The following HMGN5 variants were observed in gnomAD, a reference collection of about 807,000 sequenced individuals.
HMGN5 encodes the protein high mobility group nucleosome binding domain 5.
In HMGN5, 4 loss-of-function variants were observed where a neutral mutation model predicts 9.5. The observed-to-expected ratio is 0.42, with a 90% CI of 0.21 to 0.96. The LOEUF is 0.96. HMGN5 is among the 40% of genes least tolerant of loss of function. The pLI, the probability that HMGN5 is intolerant of heterozygous loss-of-function variation, is 0.30. For synonymous variants in HMGN5, 55 were observed against 57.1 expected (o/e 0.96, Z 0.16); for missense variants, 192 against 187.5 (o/e 1.02, Z -0.14).
chrX:81,125,848 A>T (rs2075281821), intron 1 of HMGN5, among the ~76,000 whole-genome samples: 1 of 111,551 alleles, frequency 9.0e-6, no homozygotes. Context: ...AAGATCATCT[A>T]TTAAAATTTA....
chrX:81,137,117 C>T (rs1321650998), intron 1 of HMGN5, among the ~76,000 whole-genome samples: 7 of 111,218 alleles, frequency 6.3e-5, no homozygotes, highest in African/African-American at 2.0e-4. Context: ...CCCAGCTATA[C>T]TTGTGGATCT....
intron 1 of HMGN5, among the ~76,000 whole-genome samples, chrX:81,191,848 G>T (rs963068442): frequency 5.4e-5 from 6 of 111,724 alleles, no homozygotes; most frequent in African/African-American, 1.6e-4. Flanking sequence ...GTGTGGGTGT[G>T]GATAAGGGTC....
At chrX:81,200,690 C>A (rs2075523621) in intron 1 of HMGN5, among the ~76,000 whole-genome samples, 1 of 111,254 alleles carries the variant, frequency 9.0e-6, no homozygotes, top group Admixed American at 9.5e-5. Flanking sequence ...GGGAACATCA[C>A]ACCCCGGGGC....
chrX:81,114,859 A>G lies in HMGN5; in HGVS notation c.639T>C (p.Asp213=). The change falls in exon 7 of 7, where the codon GAT becomes GAC. Residue 213 remains aspartate, a synonymous_variant. Coordinates refer to ENST00000358130, the MANE Select transcript of HMGN5 (RefSeq NM_030763.3). ...CTTTTTTATCTCCCTTCTCTTTTCC[A>G]TCTTCATTCTCTTTTCCATCTCCTG... ...KETGDGKENE[D]GKEKGDKKEG... is the part of the protein sequence containing the mutation. The G allele has an allele frequency of 8.7e-7, 1 of 1,147,795 alleles. No individual in the cohort carries two copies. 94.6% of individuals were successfully genotyped at this position (1,147,795 alleles called of 1,213,427 possible). A position where few individuals can be genotyped will look rare whatever the true frequency, so the allele number is the denominator to read the frequency against.
chrX:81,155,532 G>A (rs1390657777), intron 1 of HMGN5, among the ~76,000 whole-genome samples: 2 of 110,325 alleles, frequency 1.8e-5, no homozygotes, highest in Admixed American at 9.8e-5. Context: ...TGTGTTAATG[G>A]TTAAGCTATG....
At chrX:81,186,434 C>A (rs2075477733) in intron 1 of HMGN5, among the ~76,000 whole-genome samples, 1 of 111,776 alleles carries the variant, frequency 8.9e-6, no homozygotes, top group Non-Finnish European at 1.9e-5. Flanking sequence ...CTTTGAAATT[C>A]TTCAGTATCA....
intron 1 of HMGN5, among the ~76,000 whole-genome samples, chrX:81,156,243 G>A (rs2075382568): frequency 8.9e-6 from 1 of 112,232 alleles, no homozygotes; most frequent in South Asian, 3.7e-4. Context: ...CTCCAAAGTA[G>A]TAATGGGAGC....
intron 1 of HMGN5, among the ~76,000 whole-genome samples, chrX:81,145,830 A>T (rs760003918): frequency 9.0e-6 from 1 of 111,597 alleles, no homozygotes; most frequent in Non-Finnish European, 1.9e-5. Flanking sequence ...ATGGAAATTA[A>T]AAAAAAGCAG....
At chrX:81,176,536 G>GA (rs370982020) in intron 1 of HMGN5, among the ~76,000 whole-genome samples, 12 of 110,881 alleles carry the variant, frequency 1.1e-4, no homozygotes, top group African/African-American at 2.6e-4. Flanking sequence ...TAAAAACCTT[G>GA]AAAAAAAGGT....
At chrX:81,147,455 T>A (rs926736804) in intron 1 of HMGN5, among the ~76,000 whole-genome samples, 1 of 111,605 alleles carries the variant, frequency 9.0e-6, no homozygotes, top group Non-Finnish European at 1.9e-5. Context: ...AAACGCTCAA[T>A]ATACTAGGTA....
At chrX:81,120,418 A>G (rs1438754580) in intron 2 of HMGN5, among the ~76,000 whole-genome samples, 1 of 111,423 alleles carries the variant, frequency 9.0e-6, no homozygotes, top group East Asian at 2.8e-4. Context: ...AGCAAGACCT[A>G]CTGCACAAGT....
At chrX:81,177,737 C>A (rs2075447551) in intron 1 of HMGN5, among the ~76,000 whole-genome samples, 1 of 111,455 alleles carries the variant, frequency 9.0e-6, no homozygotes. Flanking sequence ...ACAGAACTCT[C>A]CACCCCAAAT....
At chrX:81,180,869 C>G (rs1437398546) in intron 1 of HMGN5, among the ~76,000 whole-genome samples, 1 of 111,601 alleles carries the variant, frequency 9.0e-6, no homozygotes, top group African/African-American at 3.3e-5. Context: ...ACTATGCAGC[C>G]ATAAAAAGGA....
At chrX:81,186,885 G>A (rs776998097) in intron 1 of HMGN5, among the ~76,000 whole-genome samples, 14 of 110,517 alleles carry the variant, frequency 1.3e-4, no homozygotes, top group Admixed American at 5.8e-4. Flanking sequence ...CATAGATTTC[G>A]GTATGTTGTG....
intron 1 of HMGN5, among the ~76,000 whole-genome samples, chrX:81,127,019 C>T (rs950218141): frequency 8.1e-5 from 9 of 111,326 alleles, no homozygotes; most frequent in African/African-American, 2.9e-4. Context: ...ATGATAGGAA[C>T]GTTTAACCTT....
chrX:81,185,085 T>G (rs994136821), intron 1 of HMGN5, among the ~76,000 whole-genome samples: 3 of 111,982 alleles, frequency 2.7e-5, no homozygotes, highest in Non-Finnish European at 5.6e-5. Flanking sequence ...TTCTTTTTCT[T>G]AGAATAGCTT....
At chrX:81,192,012 G>T (rs1255126065) in intron 1 of HMGN5, among the ~76,000 whole-genome samples, 1 of 111,200 alleles carries the variant, frequency 9.0e-6, no homozygotes, top group African/African-American at 3.3e-5. Flanking sequence ...TTTCATCCAG[G>T]GCTTGACTGC....
At chrX:81,187,873 T>G (rs2075481722) in intron 1 of HMGN5, among the ~76,000 whole-genome samples, 1 of 111,316 alleles carries the variant, frequency 9.0e-6, no homozygotes, top group African/African-American at 3.3e-5. Context: ...GTATGCTTTT[T>G]GATTTGAGGT....
chrX:81,185,706 T>C (rs2075475353), intron 1 of HMGN5, among the ~76,000 whole-genome samples: 1 of 111,561 alleles, frequency 9.0e-6, no homozygotes. Context: ...CTTAGAGAAA[T>C]GACTTTCAGT....
Sources: gnomAD v4.1 joint callset for allele counts (sites outside exome capture counted in the v4.1 genomes callset) on GRCh38, gnomAD v4.1.1 for gene constraint, MANE v1.5 for transcripts, NCBI Gene and HGNC (gene_info 2026-07-23, HGNC 2026-07-21) for gene names.